Variants in ANKRD26 observed in about 807,000 individuals in gnomAD.
ANKRD26 encodes the protein ankyrin repeat domain 26.
Under a neutral mutation model 208.7 loss-of-function variants are expected in ANKRD26, and 141 were observed. The observed-to-expected ratio is 0.68, with a 90% confidence interval of 0.59 to 0.78. The LOEUF (loss-of-function observed/expected upper bound fraction) is 0.78, where lower values mean the gene tolerates loss of function less well. ANKRD26 is among the 30% of genes least tolerant of loss of function. ANKRD26 has a pLI of 0.00. For synonymous variants in ANKRD26, 636 were observed against 660.4 expected (o/e 0.96, Z 0.57); for missense variants, 1,889 against 1,938.7 (o/e 0.97, Z 0.48).
At chr10:27,092,268 G>A in intron 4 of ANKRD26, 138 bp downstream of exon 4, 1 of 654,504 alleles carries the variant, frequency 1.5e-6, no homozygotes, top group East Asian at 2.8e-5. Context: ...TTTCTGACTT[G>A]AGTGAGAAAC....
chr10:27,094,683 T>C (rs2056409332), intron 1 of ANKRD26, among the ~76,000 whole-genome samples: 1 of 152,242 alleles, frequency 6.6e-6, no homozygotes, highest in African/African-American at 2.4e-5. Context: ...GATACAATTA[T>C]ACCTAGTTGA....
downstream of ANKRD26, among the ~76,000 whole-genome samples, chr10:26,972,192 G>A (rs1247197206): frequency 0.011 from 1,676 of 147,602 alleles, 17 homozygotes; most frequent in Non-Finnish European, 0.017. Flanking sequence ...CCGAGATCGT[G>A]CCACTGCACT....
At position 27,028,925 on chromosome 10, in the gene ANKRD26, T is replaced by C. The variant is rs1170271644; in HGVS notation, c.3899A>G (p.Lys1300Arg). The change falls in exon 27 of 34, where the codon AAG becomes AGG. Residue 1300 changes from lysine (K) to arginine (R), a missense_variant. By Grantham distance (26) the Lys-to-Arg change is conservative. This residue lies in a region of ANKRD26 where 613 missense variants were observed against 648.2 expected (regional missense o/e 0.95). Transcript: ENST00000376087. ...HKQKLEKDNA[K>R]LKVTVKKQMD... is the part of the protein sequence containing the mutation. Reference sequence around the variant, plus strand: ...TTGCTTTTTGACTGTAACTTTTAACTTGGCATTATCTTTTTCAAGCCTGAA... The same window carrying C: ...TTGCTTTTTGACTGTAACTTTTAACCTGGCATTATCTTTTTCAAGCCTGAA... The C allele has an allele frequency of 5.0e-6, 8 of 1,612,234 alleles. No individual in the cohort carries two copies. Among genetic ancestry groups the C allele is most frequent in the East Asian group, 4.5e-5 (2 of 44,738 alleles).
downstream of ANKRD26, among the ~76,000 whole-genome samples, chr10:26,989,004 C>A (rs1032257669): frequency 3.3e-5 from 5 of 151,908 alleles, no homozygotes; most frequent in Admixed American, 2.0e-4. Flanking sequence ...ATAATGAGGA[C>A]ACAGCCCCCT....
rs11015501 is a variant in ANKRD26 at position 27,064,321 on chromosome 10, A to G, written c.1270-240T>C. On this transcript the variant is annotated intron_variant, in intron 11 of 33. Coordinates refer to ENST00000376087, the MANE Select transcript of ANKRD26 (RefSeq NM_014915.3). ...TATTGACTCTGCAAACCAAACATGGAAGTCCCAAGGACACATATTAACAGA... is the reference window on the plus strand; with the variant it reads ...TATTGACTCTGCAAACCAAACATGGGAGTCCCAAGGACACATATTAACAGA... Among the ~76,000 whole-genome samples, 13,044 of 152,124 alleles carry G rather than the reference A, an allele frequency of 0.086. 687 individuals carry two copies. The highest frequency in any genetic ancestry group is 0.15 in the African/African-American group (6,221 of 41,470).
intron 4 of ANKRD26, among the ~76,000 whole-genome samples, chr10:27,087,931 C>A (rs957091559): frequency 1.3e-5 from 2 of 152,140 alleles, no homozygotes; most frequent in Admixed American, 6.6e-5. Flanking sequence ...CAGGTGCACA[C>A]CATCACACCT....
At chr10:27,064,679 T>C (rs1308573725) in intron 11 of ANKRD26, among the ~76,000 whole-genome samples, 1 of 152,154 alleles carries the variant, frequency 6.6e-6, no homozygotes, top group Non-Finnish European at 1.5e-5. Context: ...TAGAAAAATC[T>C]AAATACTTTT....
At chr10:27,011,413 G>A (rs2053104179) in intron 32 of ANKRD26, among the ~76,000 whole-genome samples, 1 of 152,062 alleles carries the variant, frequency 6.6e-6, no homozygotes, top group Non-Finnish European at 1.5e-5. Context: ...GATTACAAGT[G>A]TTCACCATTG....
At chr10:27,079,040 GA>G (rs770711540) in intron 7 of ANKRD26, 48 bp downstream of exon 7, 5 of 1,504,942 alleles carry the variant, frequency 3.3e-6, no homozygotes, top group Non-Finnish European at 4.6e-6. Context: ...AATACTATAC[GA>G]AACTAGATTC....
chr10:27,062,339 A>C (rs1232726510), intron 12 of ANKRD26: 4 of 545,858 alleles, frequency 7.3e-6, no homozygotes, highest in Non-Finnish European at 9.3e-6. Flanking sequence ...ATTATTGTCC[A>C]ATGACGCTTC....
chr10:27,025,015 T>G (rs1443979428), intron 27 of ANKRD26, among the ~76,000 whole-genome samples: 1 of 152,226 alleles, frequency 6.6e-6, no homozygotes, highest in African/African-American at 2.4e-5. Flanking sequence ...TCATTCTCTA[T>G]AAACATTCTT....
intron 3 of ANKRD26, 88 bp downstream of exon 3, chr10:27,093,261 C>T: frequency 1.5e-5 from 19 of 1,275,728 alleles, no homozygotes; most frequent in Non-Finnish European, 2.1e-5. Context: ...GCTTGCGCTT[C>T]CAAATACAGA....
intron 30 of ANKRD26, 75 bp downstream of exon 30, chr10:27,017,427 G>C: frequency 1.3e-6 from 2 of 1,505,842 alleles, no homozygotes; most frequent in South Asian, 2.3e-5. Context: ...GGATGTAGAG[G>C]AAACACATAT....
the ANKRD26 span, among the ~76,000 whole-genome samples, chr10:26,958,239 T>C: frequency 2.0e-5 from 3 of 152,030 alleles, no homozygotes; most frequent in African/African-American, 7.2e-5. Flanking sequence ...CGTGCCAGCA[T>C]ACCCAGCTAA....
intron 9 of ANKRD26, among the ~76,000 whole-genome samples, chr10:27,070,277 G>A (rs2055433537): frequency 6.6e-6 from 1 of 151,766 alleles, no homozygotes; most frequent in Admixed American, 6.6e-5. Context: ...GTACACACTT[G>A]TAGTCCCAGC....
chr10:27,077,005 A>G (rs941408839), intron 9 of ANKRD26: 2 of 255,754 alleles, frequency 7.8e-6, no homozygotes, highest in African/African-American at 2.3e-5. Context: ...CTATAAAGCC[A>G]GTATCACCCT....
At chr10:27,044,254 C>T in intron 18 of ANKRD26, 64 bp from the exon 19 acceptor site, 1 of 1,308,006 alleles carries the variant, frequency 7.6e-7, no homozygotes, top group Non-Finnish European at 1.0e-6. Context: ...ATATCTAAAA[C>T]TATTGTTTTT....
exon 6 of ANKRD26, among the ~76,000 whole-genome samples, chr10:26,974,935 C>A (rs1261929055): frequency 6.6e-6 from 1 of 152,060 alleles, no homozygotes; most frequent in Non-Finnish European, 1.5e-5. Context: ...TTATTAGAAT[C>A]TCTTTTTCTT....
At chr10:26,968,011 G>A in the ANKRD26 span, among the ~76,000 whole-genome samples, 1 of 152,118 alleles carries the variant, frequency 6.6e-6, no homozygotes, top group Non-Finnish European at 1.5e-5. Flanking sequence ...GATCTTTGAA[G>A]AATAGAAATC....
Sources: gnomAD v4.1 joint callset for allele counts (sites outside exome capture counted in the v4.1 genomes callset) on GRCh38, gnomAD v4.1.1 for gene constraint, gnomAD v4.1.1 regional missense constraint, MANE v1.5 for transcripts, NCBI Gene and HGNC (gene_info 2026-07-23, HGNC 2026-07-21) for gene names.